Variants in FKBP6 observed in about 807,000 individuals in gnomAD.
The protein encoded by FKBP6 is inactive peptidyl-prolyl cis-trans isomerase FKBP6.
Under a neutral mutation model 41.7 loss-of-function variants are expected in FKBP6, and 29 were observed. That is an observed-to-expected ratio of 0.70 (90% CI 0.52 to 0.95). The LOEUF (loss-of-function observed/expected upper bound fraction) is 0.95. Among genes scored for constraint, FKBP6 ranks in the 40% least tolerant of loss-of-function variants. The probability of loss-of-function intolerance (pLI) is 0.00; values close to 1 mark genes in which losing one functional copy is unlikely to be tolerated. For synonymous variants in FKBP6, 130 were observed against 165.1 expected (o/e 0.79, Z 1.63); for missense variants, 338 against 408.7 (o/e 0.83, Z 1.49).
At chr7:73,342,144 C>A (rs1330600919) in intron 7 of FKBP6, among the ~76,000 whole-genome samples, 2 of 152,116 alleles carry the variant, frequency 1.3e-5, no homozygotes, top group Non-Finnish European at 2.9e-5. Context: ...TGACTAAGCA[C>A]ACCAGTCTTT....
chr7:73,345,072 T>C (rs966680504), intron 8 of FKBP6, among the ~76,000 whole-genome samples: 2 of 152,054 alleles, frequency 1.3e-5, no homozygotes, highest in East Asian at 1.9e-4. Context: ...AGGTGCACGA[T>C]TGGTGCTCAG....
rs1804718244 is a variant in FKBP6, at chr7:73,328,635, A to C, written c.118A>C (p.Lys40Gln). ...CATCTCGGGGGACCGGGGCGTGCTG[A>C]AGGACGTCATCCGAGAAGGAGCTGG... ...LDISGDRGVLKDVIREGAGDL... is the reference protein window; with the variant it reads ...LDISGDRGVLQDVIREGAGDL... The change falls in exon 2 of 9, where the codon AAG becomes CAG. Residue 40 changes from lysine (K) to glutamine (Q), a missense_variant. Physicochemically the swap from Lys to Gln is moderately conservative, Grantham distance 53. Around this residue, in one of 2 missense-constraint regions of FKBP6, gnomAD observed 99 missense variants for 158.6 expected, o/e 0.62. Transcript: ENST00000252037. 6.2e-7 allele frequency: 1 copy of C among 1,610,826 alleles called. No homozygotes were observed.
chr7:73,338,795 G>A (rs140154504), intron 5 of FKBP6, among the ~76,000 whole-genome samples: 5 of 152,282 alleles, frequency 3.3e-5, no homozygotes, highest in Admixed American at 3.3e-4. Context: ...TCTATTCGGA[G>A]TCTATGCATA....
Position 73,329,316 on chromosome 7 carries a change from G to T in FKBP6, c.176-44G>T, listed in dbSNP as rs782793579. The T allele has an allele frequency of 5.7e-6, 6 of 1,046,806 alleles. No homozygotes were observed. The Admixed American group carries it at 6.7e-5, about 12-fold the overall frequency. 64.8% of individuals were successfully genotyped at this position (1,046,806 alleles called of 1,614,324 possible). ...AGAGACTCGATATTATGGTGGCGTG[G>T]GTGTTTTTGGTCCATTTTCCTTACA... On this transcript the variant is annotated intron_variant, in intron 2 of 8. Transcript: ENST00000252037.
Position 73,329,337 on chromosome 7 carries a change from T to G in FKBP6, c.176-23T>G, listed in dbSNP as rs375722515. ...CGTGGGTGTTTTTGGTCCATTTTCC[T>G]TACATTCTTTCTTCTATCCTAGTGA... is the stretch of plus-strand genomic sequence containing the variant. On this transcript the variant is annotated intron_variant, in intron 2 of 8. Transcript: ENST00000252037. 1.7e-5 allele frequency: 25 copies of G among 1,440,702 alleles called. No individual in the cohort carries two copies. The African/African-American group carries it at 2.9e-4, about 17-fold the overall frequency. The allele number at this position is 1,440,702 out of a possible 1,614,324, so 89.2% of individuals were successfully genotyped here.
Position 73,331,642 on chromosome 7 carries a change from G to T in FKBP6, c.469-15G>T. The T allele has an allele frequency of 6.2e-7, 1 of 1,613,742 alleles. No individual in the cohort carries two copies. Among genetic ancestry groups the T allele is most frequent in the African/African-American group, 1.3e-5 (1 of 74,978 alleles). ...TTTGGTTTCCTTGCTGAATATTCCT[G>T]TCTCTGGTCCTCAGGAGCAGCAAGA... On this transcript the variant is annotated splice_polypyrimidine_tract_variant and intron_variant, in intron 4 of 8. Coordinates refer to ENST00000252037, the MANE Select transcript of FKBP6 (RefSeq NM_003602.5).
At chr7:73,349,887 T>C (rs782393089) in intron 8 of FKBP6, among the ~76,000 whole-genome samples, 1 of 152,168 alleles carries the variant, frequency 6.6e-6, no homozygotes, top group Non-Finnish European at 1.5e-5. Context: ...GATTGCCAGT[T>C]GAAGGTTGCT....
At position 73,344,777 on chromosome 7, in the gene FKBP6, G is replaced by T. The variant is rs536367268; in HGVS notation, c.*2+1878G>T. On this transcript the variant is annotated intron_variant, in intron 8 of 8. Transcript: ENST00000252037. ...TTTTTGTATTTTTAGTAGAGACAGGGTTTCACCATATTGGTCAGGCTGGTC... is the reference window on the plus strand; with the variant it reads ...TTTTTGTATTTTTAGTAGAGACAGGTTTTCACCATATTGGTCAGGCTGGTC... Among the ~76,000 whole-genome samples the T allele has an allele frequency of 2.0e-5, 3 of 152,260 alleles. No individual in the cohort carries two copies. In the South Asian group the frequency reaches 6.2e-4, roughly 32 times the overall value.
intron 8 of FKBP6, among the ~76,000 whole-genome samples, chr7:73,343,936 A>C (rs1055333413): frequency 1.3e-5 from 2 of 152,198 alleles, no homozygotes; most frequent in Non-Finnish European, 2.9e-5. Flanking sequence ...AGGCCTATTC[A>C]TCCCCGACAT....
At chr7:73,341,517 G>A in intron 7 of FKBP6, 135 bp downstream of exon 7, 1 of 720,898 alleles carries the variant, frequency 1.4e-6, no homozygotes, top group Non-Finnish European at 2.5e-6. Flanking sequence ...CTACAGCTGG[G>A]TTTCTGAAGT....
At chr7:73,340,061 T>A (rs1805125977) in intron 5 of FKBP6, among the ~76,000 whole-genome samples, 1 of 151,928 alleles carries the variant, frequency 6.6e-6, no homozygotes, top group Non-Finnish European at 1.5e-5. Flanking sequence ...ATTTTTCCAT[T>A]TTATTTGAAT....
chr7:73,330,349 A>G lies in FKBP6; in HGVS notation c.465A>G (p.Ser155=), dbSNP rs1554547476. 2 of 1,611,838 alleles carry G rather than the reference A, an allele frequency of 1.2e-6. No individual in the cohort carries two copies. The highest frequency in any genetic ancestry group is 3.3e-5 in the Admixed American group (2 of 60,016). ...CAESDKFCAL[S]AEQQDQFPLQ... is the part of the protein sequence containing the mutation. ...AGTCAGACAAGTTTTGTGCTCTCTCAGCTGTAAGTTCCAGAGCACAGATGT... is the reference window on the plus strand; with the variant it reads ...AGTCAGACAAGTTTTGTGCTCTCTCGGCTGTAAGTTCCAGAGCACAGATGT... Residue 155 remains serine (S), a synonymous_variant, in exon 4 of 9, where the codon TCA becomes TCG. Transcript: ENST00000252037.
Position 73,342,886 on chromosome 7 carries a change from G to C in FKBP6, c.973G>C (p.Gly325Arg). Residue 325 changes from glycine to arginine, a missense_variant, in exon 8 of 9, where the codon GGA becomes CGA. Gly to Arg is a moderately radical substitution (Grantham distance 125). This residue lies in a region of FKBP6 where 239 missense variants were observed against 250.1 expected (regional missense o/e 0.96). Transcript: ENST00000252037. The part of the protein sequence containing the change: ...FAPCGDGSTA[G>R]ES The stretch of plus-strand genomic sequence containing the variant: ...GCCCTGTGGCGATGGTTCTACAGCA[G>C]GAGAAAGTTGAAGGTAATCAAAGGG... 6.2e-7 allele frequency: 1 copy of C among 1,613,172 alleles called. No individual in the cohort carries two copies. Among genetic ancestry groups the C allele is most frequent in the Non-Finnish European group, 8.5e-7 (1 of 1,179,078 alleles).
chr7:73,350,823 G>A (rs782654834), intron 8 of FKBP6, among the ~76,000 whole-genome samples: 15 of 152,064 alleles, frequency 9.9e-5, no homozygotes, highest in Non-Finnish European at 1.9e-4. Context: ...AGGCCTCTGG[G>A]GCCAGGGGTT....
chr7:73,332,661 A>G (rs1036933448), intron 5 of FKBP6, among the ~76,000 whole-genome samples: 1 of 152,176 alleles, frequency 6.6e-6, no homozygotes, highest in South Asian at 2.1e-4. Context: ...TCTTGGGTAC[A>G]TGGGTGTGTT....
chr7:73,332,998 G>A (rs186520141), intron 5 of FKBP6, among the ~76,000 whole-genome samples: 22 of 152,300 alleles, frequency 1.4e-4, no homozygotes, highest in South Asian at 6.2e-4. Context: ...ATGGCTGGAC[G>A]CAGTGGCTCA....
chr7:73,342,084 G>A (rs782505231), intron 7 of FKBP6, among the ~76,000 whole-genome samples: 8 of 151,876 alleles, frequency 5.3e-5, no homozygotes, highest in African/African-American at 1.5e-4. Flanking sequence ...CCAGAAACAG[G>A]CGTTTCGGGT....
chr7:73,334,225 G>A (rs782262687), intron 5 of FKBP6, among the ~76,000 whole-genome samples: 2 of 152,000 alleles, frequency 1.3e-5, no homozygotes, highest in African/African-American at 2.4e-5. Context: ...TAAATTTTAC[G>A]GTGATGTGCC....
At chr7:73,333,842 C>T (rs916437510) in intron 5 of FKBP6, among the ~76,000 whole-genome samples, 8 of 152,208 alleles carry the variant, frequency 5.3e-5, no homozygotes, top group African/African-American at 1.2e-4. Flanking sequence ...GAGGCCGAGG[C>T]GGGTGGATCA....
Sources: gnomAD v4.1 joint callset for allele counts (sites outside exome capture counted in the v4.1 genomes callset) on GRCh38, gnomAD v4.1.1 for gene constraint, gnomAD v4.1.1 regional missense constraint, MANE v1.5 for transcripts, NCBI Gene and HGNC (gene_info 2026-07-23, HGNC 2026-07-21) for gene names.